Variants in UBR1 observed in about 807,000 individuals in gnomAD.
The protein encoded by UBR1 is E3 ubiquitin-protein ligase UBR1.
A neutral mutation model predicts 242.1 loss-of-function variants in UBR1; 102 were observed. That is an observed-to-expected ratio of 0.42 (90% CI 0.36 to 0.50). The LOEUF (loss-of-function observed/expected upper bound fraction) is 0.50, where lower values mean the gene tolerates loss of function less well. UBR1 is among the 20% of genes least tolerant of loss of function. UBR1 has a pLI of 0.01. For synonymous variants in UBR1, 675 were observed against 684.8 expected (o/e 0.99, Z 0.22); for missense variants, 1,772 against 2,101.8 (o/e 0.84, Z 3.07).
chr15:43,055,374 C>T (rs949162084), intron 11 of UBR1, among the ~76,000 whole-genome samples: 2 of 151,684 alleles, frequency 1.3e-5, no homozygotes, highest in African/African-American at 2.4e-5. Context: ...AACCAGGAGG[C>T]GGAGGTTGCA....
At chr15:43,062,344 T>TACAA (rs1327395906) in intron 6 of UBR1, among the ~76,000 whole-genome samples, 1 of 152,126 alleles carries the variant, frequency 6.6e-6, no homozygotes, top group African/African-American at 2.4e-5. Flanking sequence ...TATATATATA[T>TACAA]ACAAACAGAC....
chr15:42,964,119 T>C, intron 41 of UBR1, 76 bp from the exon 42 acceptor site: 1 of 1,011,420 alleles, frequency 9.9e-7, no homozygotes, highest in Non-Finnish European at 1.5e-6. Flanking sequence ...GTTTCTTCAC[T>C]GTTTATGCTT....
Position 42,945,410 on chromosome 15 carries a change from T to C in UBR1, c.5169A>G (p.Gln1723=). ...ERYRKLHLVW[Q]QHCIIEEIAR... is the part of the protein sequence containing the mutation. The stretch of plus-strand genomic sequence containing the variant: ...CAATCTCTTCTATAATGCAGTGTTG[T>C]TGCCAGACCAAATGGAGCTTCCGAT... Residue 1723 remains glutamine (Q), a synonymous_variant, in exon 47 of 47, where the codon CAA becomes CAG. Coordinates refer to ENST00000290650, the MANE Select transcript of UBR1 (RefSeq NM_174916.3). 2 of 1,614,186 alleles carry C rather than the reference T, an allele frequency of 1.2e-6. No homozygotes were observed. The highest frequency in any genetic ancestry group is 1.3e-5 in the African/African-American group (1 of 75,050).
At chr15:43,003,014 T>C (rs2032750068) in intron 31 of UBR1, among the ~76,000 whole-genome samples, 1 of 152,198 alleles carries the variant, frequency 6.6e-6, no homozygotes, top group Admixed American at 6.5e-5. Context: ...TTTCTAATGA[T>C]GAACTGAAGT....
chr15:43,082,735 C>A lies in UBR1; in HGVS notation c.339-19G>T, dbSNP rs370902010. The A allele has an allele frequency of 4.4e-6, 7 of 1,606,354 alleles. No homozygotes were observed. Among genetic ancestry groups the A allele is most frequent in the Non-Finnish European group, 6.0e-6 (7 of 1,173,366 alleles). ...ACAATCCCTGAAAAAGATCAGAAAT[C>A]AGATTCCAAAATTTAGATGACTCCC... On this transcript the variant is annotated intron_variant, in intron 2 of 46. Coordinates refer to ENST00000290650, the MANE Select transcript of UBR1 (RefSeq NM_174916.3).
chr15:43,021,030 G>T (rs1405268361), intron 27 of UBR1: 4 of 402,602 alleles, frequency 9.9e-6, no homozygotes, highest in Non-Finnish European at 1.8e-5. Context: ...ATCTATAAGT[G>T]AGCATGGCAC....
chr15:43,004,338 CCT>C (rs1170253985), intron 30 of UBR1, among the ~76,000 whole-genome samples: 1 of 151,852 alleles, frequency 6.6e-6, no homozygotes, highest in Non-Finnish European at 1.5e-5. Flanking sequence ...TCTCCCTCTT[CCT>C]CTCTCTCTCC....
chr15:43,070,738 A>T, intron 5 of UBR1, 57 bp downstream of exon 5: 1 of 1,605,932 alleles, frequency 6.2e-7, no homozygotes, highest in South Asian at 1.1e-5. Flanking sequence ...TCAAACACAC[A>T]TTTTGCAATA....
At chr15:42,979,021 A>C (rs545408884) in intron 37 of UBR1, among the ~76,000 whole-genome samples, 2 of 150,140 alleles carry the variant, frequency 1.3e-5, no homozygotes, top group South Asian at 4.2e-4. Context: ...CAGCCTCCCG[A>C]GTAGCTGGGA....
In UBR1 at chr15:43,105,794, AACTT is replaced by A. The variant is rs1385790591; in HGVS notation, c.81+144_81+147del. The A allele has an allele frequency of 2.0e-5, 15 of 734,800 alleles. No individual in the cohort carries two copies. In the East Asian group the frequency reaches 4.0e-4, roughly 20 times the overall value. 45.5% of individuals were successfully genotyped at this position (734,800 alleles called of 1,614,324 possible). On this transcript the variant is annotated intron_variant, in intron 1 of 46. Coordinates refer to ENST00000290650, the MANE Select transcript of UBR1 (RefSeq NM_174916.3). ...GCTGGCAGAAATGTGGGTTGCGACT[AACTT>A]TTTATTCGGTGGCTTCCTTCCAGAT... is the stretch of plus-strand genomic sequence containing the variant.
Position 43,075,025 on chromosome 15 carries a change from G to A in UBR1, c.482C>T (p.Pro161Leu), listed in dbSNP as rs2033870688. The change falls in exon 4 of 47, where the codon CCT (proline) becomes CTT (leucine). Residue 161 changes from proline (P) to leucine (L), a missense_variant. Physicochemically the swap from Pro to Leu is moderately conservative, Grantham distance 98 (BLOSUM62 -3). Transcript: ENST00000290650. ...CGDTEAWKTG[P>L]FCVNHEPGRA... ...TCCAGGTTCATGATTTACACAAAAA[G>A]GGCCAGTTTTCCATGCCTCTGTGTC... 1.9e-6 allele frequency: 3 copies of A among 1,613,930 alleles called. No individual in the cohort carries two copies. The highest frequency in any genetic ancestry group is 2.5e-6 in the Non-Finnish European group (3 of 1,180,016).
chr15:43,012,970 ATC>A (rs1374649593), intron 29 of UBR1, among the ~76,000 whole-genome samples: 5 of 152,124 alleles, frequency 3.3e-5, no homozygotes, highest in African/African-American at 1.2e-4. Flanking sequence ...CAGTGGCACA[ATC>A]TCTGCTCACT....
rs759187953 is a variant in UBR1 at position 42,966,187 on chromosome 15, T to A, written c.4557A>T (p.Leu1519Phe). The stretch of plus-strand genomic sequence containing the variant: ...GTTCCTCAGGCGGAGTTACCCCAAG[T>A]AAATAGTGGAAAAACAATGCAGCAC... ...LRCAALFFHY[L>F]LGVTPPEELH... The change falls in exon 41 of 47, where the codon TTA becomes TTT. Residue 1519 changes from leucine to phenylalanine, a missense_variant. This residue lies in a region of UBR1 where 965 missense variants were observed against 1,079.7 expected (regional missense o/e 0.89). Coordinates refer to ENST00000290650, the MANE Select transcript of UBR1 (RefSeq NM_174916.3). 1.9e-6 allele frequency: 3 copies of A among 1,614,074 alleles called. No homozygotes were observed. The highest frequency in any genetic ancestry group is 3.3e-4 in the Middle Eastern group (2 of 6,062).
intron 41 of UBR1, among the ~76,000 whole-genome samples, chr15:42,964,382 T>C (rs187060246): frequency 6.6e-6 from 1 of 152,084 alleles, no homozygotes; most frequent in African/African-American, 2.4e-5. Flanking sequence ...GGCAGGAGAA[T>C]TGCTTGAACC....
At chr15:43,094,410 C>T (rs2034136564) in intron 1 of UBR1, among the ~76,000 whole-genome samples, 1 of 151,790 alleles carries the variant, frequency 6.6e-6, no homozygotes. Context: ...GCCTGGAAGA[C>T]AGAGTGAAAC....
At chr15:42,966,389 A>G in intron 40 of UBR1, 103 bp from the exon 41 acceptor site, 1 of 1,473,332 alleles carries the variant, frequency 6.8e-7, no homozygotes, top group Non-Finnish European at 9.3e-7. Context: ...CATTTAGGTA[A>G]TTTATTATCC....
At chr15:42,951,643 T>G (rs2031835676) in intron 45 of UBR1, among the ~76,000 whole-genome samples, 1 of 152,208 alleles carries the variant, frequency 6.6e-6, no homozygotes, top group African/African-American at 2.4e-5. Flanking sequence ...GTACTTTTTT[T>G]TTTGATAGAG....
At chr15:43,082,863 T>C in intron 2 of UBR1, 147 bp from the exon 3 acceptor site, 2 of 689,576 alleles carry the variant, frequency 2.9e-6, no homozygotes, top group Non-Finnish European at 2.6e-6. Context: ...TTAAAATGTT[T>C]TGAACAAAGA....
At chr15:43,105,743 CAA>C (rs1356952463) in intron 1 of UBR1, among the ~76,000 whole-genome samples, 197 bp downstream of exon 1, 1 of 152,130 alleles carries the variant, frequency 6.6e-6, no homozygotes, top group Non-Finnish European at 1.5e-5. Flanking sequence ...TAATACATAA[CAA>C]AGTCATTATA....
Sources: gnomAD v4.1 joint callset for allele counts (sites outside exome capture counted in the v4.1 genomes callset) on GRCh38, gnomAD v4.1.1 for gene constraint, gnomAD v4.1.1 regional missense constraint, MANE v1.5 for transcripts, NCBI Gene and HGNC (gene_info 2026-07-23, HGNC 2026-07-21) for gene names.